The following CASZ1 variants were observed in gnomAD, a reference collection of about 807,000 sequenced individuals.
CASZ1 encodes the protein zinc finger protein castor homolog 1.
In CASZ1, 28 loss-of-function variants were observed where a neutral mutation model predicts 135.2. The observed-to-expected ratio is 0.21, with a 90% CI of 0.15 to 0.28. CASZ1 has a LOEUF of 0.28. Ranked by LOEUF, CASZ1 falls within the 10% of genes least tolerant of loss-of-function variation. The probability of loss-of-function intolerance (pLI) is 1.00; values close to 1 mark genes in which losing one functional copy is unlikely to be tolerated. For missense variants in CASZ1, 2,161 were observed against 2,453.3 expected, an observed-to-expected ratio of 0.88 and a Z score of 2.52; for synonymous variants, 1,068 against 1,073.4, an observed-to-expected ratio of 0.99 and a Z score of 0.10.
intron 2 of CASZ1, among the ~76,000 whole-genome samples, chr1:10,754,645 G>A (rs1640212511): frequency 6.6e-6 from 1 of 152,200 alleles, no homozygotes; most frequent in African/African-American, 2.4e-5. Context: ...GGGTGCCCGA[G>A]GGGACCCATC....
In CASZ1 at chr1:10,644,957, G is replaced by A. The variant is rs751920449; in HGVS notation, c.3828C>T (p.Gly1276=). The A allele has an allele frequency of 6.2e-7, 1 of 1,613,848 alleles. No homozygotes were observed. Among genetic ancestry groups the A allele is most frequent in the South Asian group, 1.1e-5 (1 of 91,084 alleles). Residue 1276 remains glycine (G), a synonymous_variant, in exon 18 of 21, where the codon GGC becomes GGT. Coordinates refer to ENST00000377022, the MANE Select transcript of CASZ1 (RefSeq NM_001079843.3). ...HEKAERRAAN[G]FKYFTKREEC... ...CCTCGCGCTTGGTGAAGTATTTGAA[G>A]CCATTGGCTGCCCGCCGCTCCGCCT...
At chr1:10,746,137 T>C (rs1182149479) in intron 2 of CASZ1, among the ~76,000 whole-genome samples, 1 of 152,238 alleles carries the variant, frequency 6.6e-6, no homozygotes, top group Non-Finnish European at 1.5e-5. Flanking sequence ...GCTGAGGACA[T>C]ACTGTTCCCG....
chr1:10,638,577 C>T lies in CASZ1; in HGVS notation c.*365G>A, dbSNP rs1353339605. 1 of 152,232 alleles carries T rather than the reference C, an allele frequency of 6.6e-6. No individual in the cohort carries two copies. Among genetic ancestry groups the T allele is most frequent in the Non-Finnish European group, 1.5e-5 (1 of 68,082 alleles). The allele number at this position is 152,232 out of a possible 1,614,324, so 9.4% of individuals were successfully genotyped here. ...GCGCGGTGGGGGTCCCGGTGGCCCC[C>T]AGCGCCCGTCCCAGTCCTGAGCAAT... On this transcript the variant is annotated 3_prime_UTR_variant, in exon 21 of 21. Coordinates refer to ENST00000377022, the MANE Select transcript of CASZ1 (RefSeq NM_001079843.3). This position sits in a 1 kb window ranked among gnomAD's most constrained non-coding sequence, Gnocchi z 5.9.
In CASZ1 at chr1:10,794,042, C is replaced by A. The variant is rs918318255; in HGVS notation, c.-234+2522G>T. Among the ~76,000 whole-genome samples the A allele has an allele frequency of 3.9e-5, 6 of 152,172 alleles. No homozygotes were observed. Among genetic ancestry groups the A allele is most frequent in the African/African-American group, 1.4e-4 (6 of 41,450 alleles). On this transcript the variant is annotated intron_variant, in intron 1 of 20. Coordinates refer to ENST00000377022, the MANE Select transcript of CASZ1 (RefSeq NM_001079843.3). This position sits in a 1 kb window ranked among gnomAD's most constrained non-coding sequence, Gnocchi z 5.6. ...CCCCTCCGGGCACGTGGAGCGCAGCCCCGGCTCAGCCCCCGGGGAACAACT... is the reference window on the plus strand; with the variant it reads ...CCCCTCCGGGCACGTGGAGCGCAGCACCGGCTCAGCCCCCGGGGAACAACT...
rs536644243 is a variant in CASZ1 at position 10,785,557 on chromosome 1, G to A, written c.-234+11007C>T. Among the ~76,000 whole-genome samples the A allele has an allele frequency of 4.7e-4, 72 of 152,292 alleles. No homozygotes were observed. In the South Asian group the frequency reaches 9.5e-3, roughly 20 times the overall value. On this transcript the variant is annotated intron_variant, in intron 1 of 20. Transcript: ENST00000377022. ...ACGGCCTCATGCCCTTGCTTCCTTAGGTCACTGCCTCCACCCCACCTCTGC... is the reference window on the plus strand; with the variant it reads ...ACGGCCTCATGCCCTTGCTTCCTTAAGTCACTGCCTCCACCCCACCTCTGC...
chr1:10,706,338 C>A lies in CASZ1; in HGVS notation c.-76-794G>T, dbSNP rs1216315084. On this transcript the variant is annotated intron_variant, in intron 2 of 20. Transcript: ENST00000377022. This position sits in a 1 kb window ranked among gnomAD's most constrained non-coding sequence, Gnocchi z 4.3. The stretch of plus-strand genomic sequence containing the variant: ...GGAGAGAAAACACAGGGAGTCCCCC[C>A]GCCAGCCTGCTGGCCAGGCCCCCCA... Among the ~76,000 whole-genome samples the A allele has an allele frequency of 6.6e-6, 1 of 152,160 alleles. No individual in the cohort carries two copies. The highest frequency in any genetic ancestry group is 1.5e-5 in the Non-Finnish European group (1 of 68,030).
chr1:10,781,303 T>G (rs1640758761), intron 1 of CASZ1, among the ~76,000 whole-genome samples: 1 of 152,214 alleles, frequency 6.6e-6, no homozygotes, highest in Admixed American at 6.5e-5. Context: ...GTTTGTGCCT[T>G]CTTGGCAGCT....
At chr1:10,698,880 G>A (rs1570495118) in intron 3 of CASZ1, among the ~76,000 whole-genome samples, 1 of 152,228 alleles carries the variant, frequency 6.6e-6, no homozygotes, top group East Asian at 1.9e-4. Flanking sequence ...ATTGGGCTCA[G>A]GCTTAGGTCA....
rs201167368 is a variant in CASZ1, at chr1:10,647,988, C to T, written c.3310G>A (p.Ala1104Thr). The change falls in exon 16 of 21, where the codon GCT (alanine) becomes ACT (threonine). Residue 1104 changes from alanine (A) to threonine (T), a missense_variant. By Grantham distance (58) the Ala-to-Thr change is moderately conservative. Around this residue, in one of 7 missense-constraint regions of CASZ1, gnomAD observed 349 missense variants for 460.8 expected, o/e 0.76. Coordinates refer to ENST00000377022, the MANE Select transcript of CASZ1 (RefSeq NM_001079843.3). This position sits in a 1 kb window ranked among gnomAD's most constrained non-coding sequence, Gnocchi z 4.9. ...GAGGGCACGGAGGCCGGGCTGGGAG[C>T]GGGCCCCTCCAGAGAGGACACCGTG... ...TATVSSLEGP[A>T]PSPASVPSTP... is the part of the protein sequence containing the mutation. 3.0e-5 allele frequency: 48 copies of T among 1,604,238 alleles called. No homozygotes were observed. Among genetic ancestry groups the T allele is most frequent in the Admixed American group, 1.5e-4 (9 of 59,392 alleles).
intron 7 of CASZ1, chr1:10,658,264 G>A (rs1348742267): frequency 3.9e-6 from 2 of 516,308 alleles, no homozygotes; most frequent in Non-Finnish European, 7.0e-6. Context: ...CGGGACCCCG[G>A]CCCTAACTGG....
At chr1:10,671,300 C>T (rs535633513) in intron 4 of CASZ1, among the ~76,000 whole-genome samples, 5 of 152,310 alleles carry the variant, frequency 3.3e-5, no homozygotes, top group African/African-American at 4.8e-5. Context: ...TGAGCAAACG[C>T]GCACAGACCG....
chr1:10,663,646 T>C (rs1434595924), intron 5 of CASZ1, among the ~76,000 whole-genome samples: 3 of 152,104 alleles, frequency 2.0e-5, no homozygotes. Context: ...CAGGGGTCCC[T>C]GAGGGGGCCC....
intron 1 of CASZ1, among the ~76,000 whole-genome samples, chr1:10,761,062 A>G (rs1640363319): frequency 6.6e-6 from 1 of 152,178 alleles, no homozygotes; most frequent in Non-Finnish European, 1.5e-5. Flanking sequence ...CAACCAACGC[A>G]CCCTTCGCAC....
intron 3 of CASZ1, among the ~76,000 whole-genome samples, 188 bp downstream of exon 3, chr1:10,705,304 C>A (rs1057358280): frequency 6.6e-6 from 1 of 152,230 alleles, no homozygotes; most frequent in Non-Finnish European, 1.5e-5. Flanking sequence ...GGGGATCCTA[C>A]TGGCGGGAGG....
intron 2 of CASZ1, among the ~76,000 whole-genome samples, chr1:10,758,194 C>T (rs947131837): frequency 2.0e-5 from 3 of 152,166 alleles, no homozygotes; most frequent in East Asian, 3.8e-4. Context: ...TCTCTGCTGG[C>T]GTCTTCCTTT....
rs372248785 is a variant in CASZ1, at chr1:10,660,065, C to T, written c.977G>A (p.Arg326Gln). Residue 326 changes from arginine (R) to glutamine (Q), a missense_variant, in exon 6 of 21, where the codon CGG (arginine) becomes CAG (glutamine). Coordinates refer to ENST00000377022, the MANE Select transcript of CASZ1 (RefSeq NM_001079843.3). Reference sequence around the variant, plus strand: ...CTTGTAGGTGCTCCCGTTCTGGGGCCGCAGATTCTCGCCGGTCTTCAGTTT... The same window carrying T: ...CTTGTAGGTGCTCCCGTTCTGGGGCTGCAGATTCTCGCCGGTCTTCAGTTT... ...IQKLKTGENL[R>Q]PQNGSTYKKP... The T allele has an allele frequency of 3.7e-5, 59 of 1,614,046 alleles. No individual in the cohort carries two copies. Among genetic ancestry groups the T allele is most frequent in the Non-Finnish European group, 4.6e-5 (54 of 1,180,018 alleles).
intron 1 of CASZ1, among the ~76,000 whole-genome samples, chr1:10,791,739 GA>G (rs1640959104): frequency 4.9e-5 from 4 of 81,614 alleles, no homozygotes; most frequent in Non-Finnish European, 1.5e-4. Context: ...GAGAGAAAAA[GA>G]GGGGGAGAGA....
At chr1:10,705,080 C>T (rs546292237) in intron 3 of CASZ1, among the ~76,000 whole-genome samples, 7 of 152,330 alleles carry the variant, frequency 4.6e-5, no homozygotes, top group Admixed American at 1.3e-4. Flanking sequence ...CGAGTCCATG[C>T]GGTTCTTGAG....
chr1:10,659,778 A>C lies in CASZ1; in HGVS notation c.1264T>G (p.Phe422Val), dbSNP rs752910553. ...PGPEPPASLS[F>V]NTPEYLKSTF... is the part of the protein sequence containing the mutation. ...GACTTCAGGTACTCGGGAGTGTTGA[A>C]GGACAGGGAGGCAGGAGGCTCTGGC... Residue 422 changes from phenylalanine to valine, a missense_variant, in exon 6 of 21, where the codon TTC becomes GTC. Transcript: ENST00000377022. The C allele has an allele frequency of 3.0e-5, 48 of 1,613,578 alleles. No individual in the cohort carries two copies. In the Admixed American group the frequency reaches 7.8e-4, roughly 26 times the overall value.
Sources: gnomAD v4.1 joint callset for allele counts (sites outside exome capture counted in the v4.1 genomes callset) on GRCh38, gnomAD v4.1.1 for gene constraint, gnomAD v4.1.1 regional missense constraint, Gnocchi (gnomAD v3.1) non-coding constraint, MANE v1.5 for transcripts, NCBI Gene and HGNC (gene_info 2026-07-23, HGNC 2026-07-21) for gene names.